NOL4: variants seen among roughly 807,000 people sequenced by gnomAD.
The protein encoded by NOL4 is cancer/testis antigen 125.
A neutral mutation model predicts 75.9 loss-of-function variants in NOL4; 17 were observed. That is an observed-to-expected ratio of 0.22 (90% CI 0.15 to 0.34). The LOEUF (loss-of-function observed/expected upper bound fraction) is 0.34, where lower values mean the gene tolerates loss of function less well. Ranked by LOEUF, NOL4 falls within the 10% of genes least tolerant of loss-of-function variation. The pLI is 1.00. For missense variants in NOL4, 614 were observed against 793.5 expected (o/e 0.77, Z 2.72); for synonymous variants, 292 against 289.9 (o/e 1.01, Z -0.07).
At chr18:33,889,343 A>G (rs965786406) in intron 9 of NOL4, among the ~76,000 whole-genome samples, 2 of 152,162 alleles carry the variant, frequency 1.3e-5, no homozygotes, top group African/African-American at 2.4e-5. Context: ...CTCTGAATAC[A>G]GCAATAACAG....
chr18:33,852,392 G>T lies in NOL4; in HGVS notation c.*450C>A. 1 of 144,916 alleles carries T rather than the reference G, an allele frequency of 6.9e-6. No individual in the cohort carries two copies. The highest frequency in any genetic ancestry group is 2.0e-4 in the East Asian group (1 of 4,962). 9.0% of individuals were successfully genotyped at this position (144,916 alleles called of 1,614,324 possible). On this transcript the variant is annotated 3_prime_UTR_variant, in exon 11 of 11. Coordinates refer to ENST00000261592, the MANE Select transcript of NOL4 (RefSeq NM_003787.5). Reference sequence around the variant, plus strand: ...TTTAAAATACGAGATCCTTTTCATTGTTGTTATATCCTGTAGCAACAAGAA... The same window carrying T: ...TTTAAAATACGAGATCCTTTTCATTTTTGTTATATCCTGTAGCAACAAGAA...
intron 5 of NOL4, among the ~76,000 whole-genome samples, chr18:34,026,602 T>A (rs1338842857): frequency 6.6e-6 from 1 of 152,202 alleles, no homozygotes; most frequent in Non-Finnish European, 1.5e-5. Context: ...ATTTTCCAGA[T>A]GGATCCCAAT....
At chr18:34,020,332 T>C (rs118011097) in intron 5 of NOL4, among the ~76,000 whole-genome samples, 2 of 152,262 alleles carry the variant, frequency 1.3e-5, no homozygotes, top group Non-Finnish European at 2.9e-5. Context: ...TTGCAAATTG[T>C]TTTTGTTTTT....
At chr18:34,008,374 T>TATCTATCC (rs1267338986) in intron 6 of NOL4, among the ~76,000 whole-genome samples, 1 of 111,068 alleles carries the variant, frequency 9.0e-6, no homozygotes, top group Non-Finnish European at 2.1e-5. Flanking sequence ...TCTGTCTGTC[T>TATCTATCC]ATCTATCTAT....
intron 1 of NOL4, among the ~76,000 whole-genome samples, chr18:34,137,849 C>G (rs2080964207): frequency 6.7e-6 from 1 of 150,168 alleles, no homozygotes; most frequent in East Asian, 1.9e-4. Flanking sequence ...ATAAGTTCAC[C>G]CAAAATATAT....
chr18:33,883,123 G>T, intron 10 of NOL4, 121 bp downstream of exon 10: 1 of 648,486 alleles, frequency 1.5e-6, no homozygotes. Flanking sequence ...GAGTTAGTGG[G>T]TGCAGCGCAC....
chr18:33,920,279 G>T (rs912616527), intron 9 of NOL4, among the ~76,000 whole-genome samples: 1 of 152,070 alleles, frequency 6.6e-6, no homozygotes, highest in Non-Finnish European at 1.5e-5. Context: ...CAAAAAAAAT[G>T]AATATATTGG....
intron 5 of NOL4, among the ~76,000 whole-genome samples, chr18:34,067,701 T>C (rs145177412): frequency 1.4e-4 from 21 of 152,272 alleles, no homozygotes; most frequent in Non-Finnish European, 2.8e-4. Context: ...TCGGAGCATC[T>C]GGGAGGATGG....
chr18:33,881,342 T>C (rs1380530001), intron 10 of NOL4, among the ~76,000 whole-genome samples: 2 of 149,208 alleles, frequency 1.3e-5, no homozygotes, highest in Admixed American at 6.7e-5. Flanking sequence ...CTTTTCCTAA[T>C]TGAATACCCT....
At chr18:34,118,874 T>A (rs1252365171) in intron 2 of NOL4, among the ~76,000 whole-genome samples, 2 of 152,196 alleles carry the variant, frequency 1.3e-5, no homozygotes, top group Non-Finnish European at 2.9e-5. Context: ...CAGAGATGTG[T>A]AAGGAAACAG....
chr18:33,977,477 C>T (rs1568158864), intron 6 of NOL4, among the ~76,000 whole-genome samples: 3 of 152,142 alleles, frequency 2.0e-5, no homozygotes, highest in Non-Finnish European at 4.4e-5. Flanking sequence ...TAAGATGTGA[C>T]TTTGTTCCTC....
At chr18:33,866,395 T>TA (rs1167550816) in intron 10 of NOL4, among the ~76,000 whole-genome samples, 3 of 152,138 alleles carry the variant, frequency 2.0e-5, no homozygotes, top group African/African-American at 7.2e-5. Flanking sequence ...TCACCTTGTT[T>TA]AAAAAAAGAC....
intron 5 of NOL4, among the ~76,000 whole-genome samples, chr18:34,031,233 G>A (rs571346377): frequency 1.8e-4 from 27 of 152,254 alleles, no homozygotes; most frequent in Non-Finnish European, 2.8e-4. Context: ...TGTATCTAGC[G>A]CAGTGCTAGT....
intron 1 of NOL4, among the ~76,000 whole-genome samples, chr18:34,213,848 G>GA (rs1342995748): frequency 1.3e-5 from 2 of 152,058 alleles, no homozygotes; most frequent in Non-Finnish European, 2.9e-5. Flanking sequence ...GTATAATTAA[G>GA]AAAAAATGGG....
At chr18:34,162,599 G>C (rs1188491819) in intron 1 of NOL4, among the ~76,000 whole-genome samples, 1 of 152,076 alleles carries the variant, frequency 6.6e-6, no homozygotes, top group Non-Finnish European at 1.5e-5. Flanking sequence ...ATAATCAATA[G>C]CTTACCAACC....
intron 10 of NOL4, among the ~76,000 whole-genome samples, chr18:33,874,234 T>C (rs1025665443): frequency 1.3e-5 from 2 of 151,790 alleles, no homozygotes; most frequent in South Asian, 2.1e-4. Flanking sequence ...AATCCAAGCA[T>C]GAAGGGGCAT....
Position 33,933,436 on chromosome 18 carries a change from A to G in NOL4, c.1542+9629T>C, listed in dbSNP as rs76647013. Among the ~76,000 whole-genome samples the G allele has an allele frequency of 5.5e-3, 844 of 152,278 alleles. 13 individuals are homozygous for G. Among genetic ancestry groups the G allele is most frequent in the African/African-American group, 0.02 (811 of 41,574 alleles). On this transcript the variant is annotated intron_variant, in intron 9 of 10. Coordinates refer to ENST00000261592, the MANE Select transcript of NOL4 (RefSeq NM_003787.5). ...CTTGCCACACTGACAGATGCTCTTT[A>G]TCATGAAATATTTCTCTAAAGTATA...
At chr18:33,875,671 T>C (rs532777551) in intron 10 of NOL4, among the ~76,000 whole-genome samples, 11 of 152,036 alleles carry the variant, frequency 7.2e-5, no homozygotes, top group Non-Finnish European at 1.6e-4. Context: ...TTATCTAAGA[T>C]TAACCCTTCC....
At chr18:33,886,248 C>T (rs1256298658) in intron 9 of NOL4, among the ~76,000 whole-genome samples, 1 of 151,974 alleles carries the variant, frequency 6.6e-6, no homozygotes, top group East Asian at 1.9e-4. Flanking sequence ...GAATAAATGG[C>T]TGAGTGCAGT....
Sources: gnomAD v4.1 joint callset for allele counts (sites outside exome capture counted in the v4.1 genomes callset) on GRCh38, gnomAD v4.1.1 for gene constraint, MANE v1.5 for transcripts, NCBI Gene and HGNC (gene_info 2026-07-23, HGNC 2026-07-21) for gene names.